The following CACNA1E variants were observed in gnomAD, a reference collection of about 807,000 sequenced individuals.
The protein encoded by CACNA1E is calcium voltage-gated channel subunit alpha1 E, also known as voltage-dependent R-type calcium channel subunit alpha-1E.
Under a neutral mutation model 259.2 loss-of-function variants are expected in CACNA1E, and 40 were observed. The observed-to-expected ratio is 0.15, with a 90% CI of 0.12 to 0.20. CACNA1E has a LOEUF of 0.20. CACNA1E is among the 10% of genes least tolerant of loss of function. CACNA1E has a pLI of 1.00. For missense variants in CACNA1E, 1,874 were observed against 3,040.1 expected, an observed-to-expected ratio of 0.62 and a Z score of 9.02; for synonymous variants, 1,104 against 1,138.5, an observed-to-expected ratio of 0.97 and a Z score of 0.61.
chr1:181,489,526 C>G (rs1664135429), intron 1 of CACNA1E, among the ~76,000 whole-genome samples: 1 of 152,120 alleles, frequency 6.6e-6, no homozygotes, highest in South Asian at 2.1e-4. Flanking sequence ...AATCTTGTAA[C>G]CTGCTTTTTC....
chr1:181,651,056 A>G (rs2102061163), intron 6 of CACNA1E, among the ~76,000 whole-genome samples: 1 of 152,322 alleles, frequency 6.6e-6, no homozygotes, highest in South Asian at 2.1e-4. Flanking sequence ...GTGACCTTGG[A>G]AAAGTATCTG....
At chr1:181,370,961 C>G (rs969700527) in intron 1 of CACNA1E, among the ~76,000 whole-genome samples, 2 of 152,060 alleles carry the variant, frequency 1.3e-5, no homozygotes, top group Non-Finnish European at 2.9e-5. Flanking sequence ...TAATAATAAC[C>G]ATTCTGATTG....
intron 3 of CACNA1E, among the ~76,000 whole-genome samples, chr1:181,525,055 G>C (rs1558087146): frequency 6.6e-6 from 1 of 152,202 alleles, no homozygotes; most frequent in Non-Finnish European, 1.5e-5. Context: ...TAAATAATAA[G>C]ATACCTGCCC....
chr1:181,679,274 A>C (rs1465608930), intron 7 of CACNA1E, among the ~76,000 whole-genome samples: 1 of 152,204 alleles, frequency 6.6e-6, no homozygotes, highest in African/African-American at 2.4e-5. Context: ...GTGTTTCTCC[A>C]TATTACCCAT....
chr1:181,683,975 T>C (rs10910979), intron 7 of CACNA1E, among the ~76,000 whole-genome samples: 70,550 of 152,038 alleles, frequency 0.46, 18,645 homozygotes, highest in East Asian at 0.74. Flanking sequence ...TCAGGCCAGG[T>C]TCTAGGGGAA....
At chr1:181,716,271 C>A (rs978561265) in intron 10 of CACNA1E, 142 bp downstream of exon 10, 2 of 379,806 alleles carry the variant, frequency 5.3e-6, no homozygotes, top group Non-Finnish European at 4.7e-6. Context: ...GGGTGGAAAT[C>A]GAATCTAGAT....
intron 6 of CACNA1E, among the ~76,000 whole-genome samples, chr1:181,645,576 GT>G (rs1658191997): frequency 6.6e-6 from 1 of 152,160 alleles, no homozygotes; most frequent in Non-Finnish European, 1.5e-5. Flanking sequence ...AGACTCCCGT[GT>G]TATTGTTTTC....
chr1:181,342,274 A>G (rs1331946793), intron 1 of CACNA1E, among the ~76,000 whole-genome samples: 2 of 152,182 alleles, frequency 1.3e-5, no homozygotes, highest in Non-Finnish European at 2.9e-5. Flanking sequence ...GAGGAAGCAT[A>G]GCCTTATAAA....
intron 3 of CACNA1E, among the ~76,000 whole-genome samples, chr1:181,571,432 A>G (rs2102938641): frequency 6.6e-6 from 1 of 152,316 alleles, no homozygotes; most frequent in South Asian, 2.1e-4. Context: ...GGTAGGAGAG[A>G]GGCTGGAGAC....
chr1:181,543,723 C>T (rs756400096), intron 3 of CACNA1E, among the ~76,000 whole-genome samples: 2 of 152,120 alleles, frequency 1.3e-5, no homozygotes, highest in Non-Finnish European at 2.9e-5. Flanking sequence ...TTTTTTAAAG[C>T]AGCTGGAACT....
chr1:181,412,652 C>T (rs767803719), intron 1 of CACNA1E, among the ~76,000 whole-genome samples: 20 of 152,042 alleles, frequency 1.3e-4, no homozygotes, highest in Non-Finnish European at 2.8e-4. Flanking sequence ...TGGCAATCCC[C>T]CCAGAGTGGG....
chr1:181,612,815 A>C (rs898672698), intron 6 of CACNA1E, among the ~76,000 whole-genome samples: 1 of 152,206 alleles, frequency 6.6e-6, no homozygotes, highest in African/African-American at 2.4e-5. Context: ...TGACTGAATA[A>C]GTTTGCCTAT....
chr1:181,395,246 G>A (rs185967731), intron 1 of CACNA1E, among the ~76,000 whole-genome samples: 86 of 152,250 alleles, frequency 5.6e-4, no homozygotes, highest in African/African-American at 2.0e-3. Flanking sequence ...TTGGATATGG[G>A]GAATGAGAAG....
At chr1:181,319,349 G>A (rs1650171145) in intron 1 of CACNA1E, among the ~76,000 whole-genome samples, 1 of 152,220 alleles carries the variant, frequency 6.6e-6, no homozygotes, top group Non-Finnish European at 1.5e-5. Context: ...ACTGAGGTCA[G>A]AACCAGAGGA....
chr1:181,717,408 A>G lies in CACNA1E; in HGVS notation c.1525+106A>G, dbSNP rs114379055. 2,806 of 882,030 alleles carry G rather than the reference A, an allele frequency of 3.2e-3. 47 individuals are homozygous for G. In the African/African-American group the frequency reaches 0.038, roughly 12 times the overall value. The allele number at this position is 882,030 out of a possible 1,614,324, so 54.6% of individuals were successfully genotyped here. On this transcript the variant is annotated intron_variant, in intron 11 of 47. Transcript: ENST00000367573. ...AAAGCACCCTGCTAGGAAAGGTTCT[A>G]CCTCTTCACGCTGTGAGGGAGGCCA...
At chr1:181,341,964 C>T (rs11583413) in intron 1 of CACNA1E, among the ~76,000 whole-genome samples, 15,837 of 152,170 alleles carry the variant, frequency 0.1, 1,107 homozygotes, top group Middle Eastern at 0.19. Context: ...GTAAATAAGA[C>T]GCTTCCCACA....
At chr1:181,418,342 T>C (rs1413837969) in intron 2 of CACNA1E, among the ~76,000 whole-genome samples, 1 of 152,136 alleles carries the variant, frequency 6.6e-6, no homozygotes, top group Admixed American at 6.5e-5. Flanking sequence ...GTGGGTTGCT[T>C]CTCAATCTCT....
At chr1:181,365,475 C>T (rs1194564483) in intron 1 of CACNA1E, among the ~76,000 whole-genome samples, 1 of 152,226 alleles carries the variant, frequency 6.6e-6, no homozygotes, top group Non-Finnish European at 1.5e-5. Context: ...CCTGGCCGAT[C>T]CTAGCCTTTG....
chr1:181,601,812 C>T (rs1264495001), intron 6 of CACNA1E, among the ~76,000 whole-genome samples: 1 of 152,168 alleles, frequency 6.6e-6, no homozygotes, highest in Non-Finnish European at 1.5e-5. Context: ...GCTCCTCTTC[C>T]CTTGCTGAGT....
Sources: gnomAD v4.1 joint callset for allele counts (sites outside exome capture counted in the v4.1 genomes callset) on GRCh38, gnomAD v4.1.1 for gene constraint, MANE v1.5 for transcripts, NCBI Gene and HGNC (gene_info 2026-07-23, HGNC 2026-07-21) for gene names.